RBMS2: variants seen among roughly 807,000 people sequenced by gnomAD.
RBMS2 encodes RNA binding motif single stranded interacting protein 2.
Under a neutral mutation model 58.4 loss-of-function variants are expected in RBMS2, and 38 were observed. That is an observed-to-expected ratio of 0.65 (90% CI 0.50 to 0.85). The LOEUF (loss-of-function observed/expected upper bound fraction) is 0.85. RBMS2 is among the 40% of genes least tolerant of loss of function. The pLI is 0.00. For missense variants in RBMS2, 367 were observed against 503.7 expected (o/e 0.73, Z 2.60); for synonymous variants, 151 against 180.7 (o/e 0.84, Z 1.32).
intron 1 of RBMS2, among the ~76,000 whole-genome samples, chr12:56,529,962 T>C (rs1435453819): frequency 5.9e-5 from 9 of 151,486 alleles, no homozygotes; most frequent in Non-Finnish European, 1.3e-4. Flanking sequence ...CAGGCTGGAG[T>C]GCATTGGCAC....
intron 1 of RBMS2, among the ~76,000 whole-genome samples, chr12:56,548,311 G>T (rs1317730804): frequency 6.6e-6 from 1 of 152,092 alleles, no homozygotes; most frequent in East Asian, 1.9e-4. Flanking sequence ...GCCGGGCATG[G>T]TGGCGCATGC....
intron 1 of RBMS2, among the ~76,000 whole-genome samples, chr12:56,561,652 G>A (rs926348720): frequency 2.7e-5 from 4 of 150,788 alleles, no homozygotes; most frequent in Non-Finnish European, 4.4e-5. Context: ...GATTATAGGC[G>A]AGTGCCACTG....
rs1299437022 is a variant in RBMS2 at position 56,541,816 on chromosome 12, G to A, written c.66+19727G>A. ...AGCTGGATCTCAAAATAGGAAAGAA[G>A]GAGCTGTGTTTTTCTTCTAGTCACT... is the stretch of plus-strand genomic sequence containing the variant. On this transcript the variant is annotated intron_variant, in intron 1 of 13. Transcript: ENST00000262031. 2.6e-5 allele frequency among the ~76,000 whole-genome samples: 4 copies of A among 152,258 alleles called. No homozygotes were observed. In the South Asian group the frequency reaches 8.3e-4, roughly 32 times the overall value.
At position 56,589,446 on chromosome 12, in the gene RBMS2, C is replaced by CCATGTCT; in HGVS notation, c.*314_*315insATGTCTC. ...TTAACTGCAACGTACTTTTCCCCTACCTTGAAGAGACATGGTGGTCGCAGC... is the reference window on the plus strand; with the variant it reads ...TTAACTGCAACGTACTTTTCCCCTACCATGTCTCTTGAAGAGACATGGTGGTCGCAGC... On this transcript the variant is annotated 3_prime_UTR_variant, in exon 14 of 14. Transcript: ENST00000262031. 2.2e-6 allele frequency: 1 copy of CCATGTCT among 452,342 alleles called. No individual in the cohort carries two copies. Among genetic ancestry groups the CCATGTCT allele is most frequent in the Non-Finnish European group, 3.3e-6 (1 of 303,212 alleles). The allele number at this position is 452,342 out of a possible 1,614,324, so 28.0% of individuals were successfully genotyped here.
chr12:56,586,341 AAGT>A (rs1451034173), intron 9 of RBMS2, among the ~76,000 whole-genome samples: 2 of 151,934 alleles, frequency 1.3e-5, no homozygotes, highest in Non-Finnish European at 2.9e-5. Context: ...CAAAAAAAAA[AAGT>A]AGCCAGGTGT....
rs1871800693 is a variant in RBMS2, at chr12:56,522,047, G to A, written c.24G>A (p.Arg8=). ...AAATGCTGCTATCCGTGACTTCCAG[G>A]CCCGGGATTTCGACTTTTGGCTACA... MLLSVTS[R]PGISTFGYNR... The change falls in exon 1 of 14, where the codon AGG becomes AGA. Residue 8 remains arginine (R), a synonymous_variant. Transcript: ENST00000262031. 1 of 1,592,768 alleles carries A rather than the reference G, an allele frequency of 6.3e-7. No homozygotes were observed. The highest frequency in any genetic ancestry group is 1.4e-5 in the African/African-American group (1 of 73,318).
chr12:56,565,694 A>T (rs1881225698), intron 2 of RBMS2, among the ~76,000 whole-genome samples: 1 of 152,116 alleles, frequency 6.6e-6, no homozygotes, highest in African/African-American at 2.4e-5. Context: ...GTGAGCAGGG[A>T]GTTAAGCCTT....
intron 9 of RBMS2, among the ~76,000 whole-genome samples, chr12:56,584,840 T>TG (rs1243504713): frequency 6.6e-6 from 1 of 150,498 alleles, no homozygotes; most frequent in African/African-American, 2.4e-5. Flanking sequence ...TTTTTTTTTT[T>TG]GTGACCGAGT....
rs544289831 is a variant in RBMS2 at position 56,580,230 on chromosome 12, C to CTTTT, written c.543-937_543-934dup. 7.7e-3 allele frequency: 2,412 copies of CTTTT among 313,458 alleles called. 52 individuals are homozygous for CTTTT. The highest frequency in any genetic ancestry group is 0.056 in the African/African-American group (1,767 of 31,522). The allele number at this position is 313,458 out of a possible 1,614,324, so 19.4% of individuals were successfully genotyped here. A position where few individuals can be genotyped will look rare whatever the true frequency, so the allele number is the denominator to read the frequency against. On this transcript the variant is annotated intron_variant, in intron 5 of 13. Coordinates refer to ENST00000262031, the MANE Select transcript of RBMS2 (RefSeq NM_002898.4). ...ACAGGCGTGAACCACTGAGCCTGGC[C>CTTTT]TTTTTTTTTTTTTTTTTTTTAACAC...
intron 1 of RBMS2, among the ~76,000 whole-genome samples, chr12:56,557,001 T>C (rs1278938909): frequency 5.9e-5 from 9 of 152,196 alleles, no homozygotes; most frequent in East Asian, 1.9e-4. Flanking sequence ...GTAAATTCTT[T>C]AGGCTTTTTG....
At chr12:56,530,464 G>A (rs992697792) in intron 1 of RBMS2, among the ~76,000 whole-genome samples, 6 of 144,202 alleles carry the variant, frequency 4.2e-5, no homozygotes, top group Admixed American at 1.5e-4. Context: ...GGGCTCAAGC[G>A]ATTCTCCTAC....
intron 7 of RBMS2, 93 bp from the exon 8 acceptor site, chr12:56,581,740 T>TA: frequency 6.8e-7 from 1 of 1,478,862 alleles, no homozygotes; most frequent in African/African-American, 1.4e-5. Context: ...TTTAATTTGT[T>TA]AAACCAAAAC....
At chr12:56,534,705 G>A (rs1431246264) in intron 1 of RBMS2, among the ~76,000 whole-genome samples, 2 of 152,034 alleles carry the variant, frequency 1.3e-5, no homozygotes, top group African/African-American at 2.4e-5. Flanking sequence ...GCAGTGGCAC[G>A]TTCTCGGCTC....
intron 1 of RBMS2, among the ~76,000 whole-genome samples, chr12:56,540,067 T>C (rs1360586127): frequency 2.6e-5 from 4 of 152,162 alleles, no homozygotes. Context: ...CAGCCTTCTT[T>C]TTGTCTTTTT....
chr12:56,535,081 C>G (rs1352824264), intron 1 of RBMS2, among the ~76,000 whole-genome samples: 1 of 152,094 alleles, frequency 6.6e-6, no homozygotes, highest in Non-Finnish European at 1.5e-5. Flanking sequence ...ATTTCTATGG[C>G]CTCTCTTTTT....
chr12:56,584,934 C>T (rs1884484006), intron 9 of RBMS2, among the ~76,000 whole-genome samples: 1 of 151,426 alleles, frequency 6.6e-6, no homozygotes, highest in South Asian at 2.1e-4. Context: ...AGTGATTCTC[C>T]TGCCTCAGCC....
intron 1 of RBMS2, among the ~76,000 whole-genome samples, chr12:56,552,523 G>C (rs1405295626): frequency 6.6e-6 from 1 of 152,126 alleles, no homozygotes. Flanking sequence ...AAAAGCAGAA[G>C]GAAAGCAAGA....
intron 1 of RBMS2, among the ~76,000 whole-genome samples, chr12:56,533,149 G>A (rs1874080300): frequency 6.6e-6 from 1 of 152,044 alleles, no homozygotes; most frequent in African/African-American, 2.4e-5. Flanking sequence ...CATCCAGAGT[G>A]GAGTGCAGTG....
At chr12:56,538,630 T>C (rs891688141) in intron 1 of RBMS2, among the ~76,000 whole-genome samples, 2 of 150,804 alleles carry the variant, frequency 1.3e-5, no homozygotes, top group Non-Finnish European at 2.9e-5. Flanking sequence ...TACAGGCGCC[T>C]GCCACCAAGC....
Sources: gnomAD v4.1 joint callset for allele counts (sites outside exome capture counted in the v4.1 genomes callset) on GRCh38, gnomAD v4.1.1 for gene constraint, MANE v1.5 for transcripts, NCBI Gene and HGNC (gene_info 2026-07-23, HGNC 2026-07-21) for gene names.